Variants in PTPN3 observed in about 807,000 individuals in gnomAD.
PTPN3 encodes protein tyrosine phosphatase non-receptor type 3, also known as tyrosine-protein phosphatase non-receptor type 3.
In PTPN3, 96 loss-of-function variants were observed where a neutral mutation model predicts 132.7. The observed-to-expected ratio is 0.72, with a 90% CI of 0.61 to 0.86. The LOEUF is 0.86. PTPN3 is among the 40% of genes least tolerant of loss of function. The pLI is 0.00. For missense variants in PTPN3, 1,125 were observed against 1,159.6 expected, an observed-to-expected ratio of 0.97 and a Z score of 0.43; for synonymous variants, 398 against 429.0, an observed-to-expected ratio of 0.93 and a Z score of 0.89.
At chr9:109,473,240 T>C (rs1370533616) in intron 1 of PTPN3, among the ~76,000 whole-genome samples, 1 of 152,222 alleles carries the variant, frequency 6.6e-6, no homozygotes, top group African/African-American at 2.4e-5. Context: ...TCATTTGTTC[T>C]ACAGACCCTG....
chr9:109,423,348 C>T (rs145197902), intron 12 of PTPN3, among the ~76,000 whole-genome samples: 5,775 of 152,244 alleles, frequency 0.038, 145 homozygotes, highest in East Asian at 0.15. Context: ...CTCATGCCTG[C>T]AATCCCAGCA....
chr9:109,425,115 T>A (rs1306953114), intron 12 of PTPN3, among the ~76,000 whole-genome samples: 2 of 152,186 alleles, frequency 1.3e-5, no homozygotes, highest in Non-Finnish European at 2.9e-5. Context: ...ATCTACTGAA[T>A]GTATACAAAT....
chr9:109,442,890 T>G (rs1250384944), intron 7 of PTPN3, among the ~76,000 whole-genome samples: 5 of 152,178 alleles, frequency 3.3e-5, no homozygotes, highest in Admixed American at 2.6e-4. Flanking sequence ...CAGTTCTCAA[T>G]GACTCAGCCA....
At chr9:109,433,201 T>C in intron 9 of PTPN3, 40 bp from the exon 10 acceptor site, 1 of 1,611,578 alleles carries the variant, frequency 6.2e-7, no homozygotes, top group Non-Finnish European at 8.5e-7. Flanking sequence ...CATGTTACAG[T>C]CATGCTTATG....
intron 11 of PTPN3, among the ~76,000 whole-genome samples, chr9:109,428,355 T>G (rs1305630715): frequency 6.6e-6 from 1 of 152,188 alleles, no homozygotes; most frequent in Non-Finnish European, 1.5e-5. Context: ...CACTGGATCC[T>G]CCAGACTCTG....
chr9:109,449,628 T>G, intron 5 of PTPN3: 1 of 985,394 alleles, frequency 1.0e-6, no homozygotes, highest in Non-Finnish European at 1.2e-6. Context: ...GAGACTTCTA[T>G]TTAGGGATGC....
At chr9:109,473,827 A>C (rs950326127) in intron 1 of PTPN3, among the ~76,000 whole-genome samples, 2 of 151,382 alleles carry the variant, frequency 1.3e-5, no homozygotes, top group African/African-American at 4.9e-5. Context: ...TCTTCCAGAC[A>C]CTCCCTTCCA....
At chr9:109,466,727 G>A (rs193173620) in intron 1 of PTPN3, among the ~76,000 whole-genome samples, 23 of 152,308 alleles carry the variant, frequency 1.5e-4, no homozygotes, top group Admixed American at 1.4e-3. Flanking sequence ...GAAAAGTAGC[G>A]CCTAATGTCA....
chr9:109,479,023 TA>T (rs1846831587), intron 1 of PTPN3, among the ~76,000 whole-genome samples: 1 of 152,078 alleles, frequency 6.6e-6, no homozygotes, highest in Non-Finnish European at 1.5e-5. Flanking sequence ...TTTTTTTTTT[TA>T]ATTGTAAAAT....
the PTPN3 span, among the ~76,000 whole-genome samples, chr9:109,508,430 G>T: frequency 6.6e-6 from 1 of 152,174 alleles, no homozygotes; most frequent in African/African-American, 2.4e-5. Flanking sequence ...AAAGTGCTGG[G>T]ATTACAGGCT....
intron 1 of PTPN3, 91 bp from the exon 2 acceptor site, chr9:109,463,542 T>C (rs958096729): frequency 8.0e-7 from 1 of 1,247,046 alleles, no homozygotes; most frequent in Non-Finnish European, 1.1e-6. Flanking sequence ...ATCCTCTCGA[T>C]ACTGTCTGAC....
At chr9:109,469,684 T>C (rs113782323) in intron 1 of PTPN3, among the ~76,000 whole-genome samples, 16 of 152,316 alleles carry the variant, frequency 1.1e-4, no homozygotes, top group African/African-American at 2.9e-4. Flanking sequence ...AGGCCTCTAA[T>C]TGAAGAATAT....
chr9:109,382,543 C>T, intron 23 of PTPN3, 96 bp from the exon 24 acceptor site: 2 of 1,377,822 alleles, frequency 1.5e-6, no homozygotes, highest in South Asian at 1.3e-5. Context: ...TCTCCTGATG[C>T]TTTCTCCCTC....
Position 109,383,297 on chromosome 9 carries a change from G to C in PTPN3, c.2382+126C>G, listed in dbSNP as rs111659621. 1.8e-5 allele frequency: 28 copies of C among 1,526,938 alleles called. No homozygotes were observed. The African/African-American group carries it at 2.2e-4, about 12-fold the overall frequency. 94.6% of individuals were successfully genotyped at this position (1,526,938 alleles called of 1,614,324 possible). A position where few individuals can be genotyped will look rare whatever the true frequency, so the allele number is the denominator to read the frequency against. The stretch of plus-strand genomic sequence containing the variant: ...CCCTGGCTCTTTGATGGGCAGTCTT[G>C]CGCACTTACTGACACGCTTGCCAGG... On this transcript the variant is annotated intron_variant, in intron 23 of 25. Transcript: ENST00000374541.
Position 109,422,850 on chromosome 9 carries a change from G to A in PTPN3, c.1004C>T (p.Ser335Leu), listed in dbSNP as rs376647767. ...CTTTTTGCAATATTGGTTATTTACC[G>A]ACCTGAAAAACCAGATGCAGGTTCA... ...WTMGSRNTKK[S>L]VNNQYCKKVI... The change falls in exon 13 of 26, where the codon TCG becomes TTG. Residue 335 changes from serine to leucine, a missense_variant and splice_region_variant. Physicochemically the swap from Ser to Leu is moderately radical, Grantham distance 145 (BLOSUM62 -2). Transcript: ENST00000374541. 34 of 1,612,316 alleles carry A rather than the reference G, an allele frequency of 2.1e-5. No homozygotes were observed. Among genetic ancestry groups the A allele is most frequent in the Middle Eastern group, 1.6e-4 (1 of 6,074 alleles).
At chr9:109,521,810 T>C in the PTPN3 span, among the ~76,000 whole-genome samples, 1 of 152,254 alleles carries the variant, frequency 6.6e-6, no homozygotes, top group South Asian at 2.1e-4. Context: ...GTGTTCATCC[T>C]TTTATTTGTA....
chr9:109,383,643 C>G (rs945434955), intron 22 of PTPN3, 92 bp from the exon 23 acceptor site: 2 of 1,502,310 alleles, frequency 1.3e-6, no homozygotes, highest in African/African-American at 2.8e-5. Context: ...TAGGCATCCT[C>G]TCATGCACAC....
chr9:109,501,061 T>C (rs1847859010), upstream of PTPN3, among the ~76,000 whole-genome samples: 1 of 152,230 alleles, frequency 6.6e-6, no homozygotes, highest in Admixed American at 6.5e-5. Context: ...TTGGGTGTTT[T>C]TTAAAAGTTT....
chr9:109,433,430 G>A (rs182910651), intron 9 of PTPN3, among the ~76,000 whole-genome samples: 3 of 152,220 alleles, frequency 2.0e-5, no homozygotes, highest in African/African-American at 4.8e-5. Flanking sequence ...CTCATTCCAC[G>A]GAATCATTTA....
Sources: gnomAD v4.1 joint callset for allele counts (sites outside exome capture counted in the v4.1 genomes callset) on GRCh38, gnomAD v4.1.1 for gene constraint, MANE v1.5 for transcripts, NCBI Gene and HGNC (gene_info 2026-07-23, HGNC 2026-07-21) for gene names.